CNFN: variants seen among roughly 807,000 people sequenced by gnomAD.
CNFN encodes the protein cornifelin.
A neutral mutation model predicts 14.9 loss-of-function variants in CNFN; 10 were observed. The observed-to-expected ratio is 0.67, with a 90% confidence interval of 0.41 to 1.14. The LOEUF (loss-of-function observed/expected upper bound fraction) is 1.14, where lower values mean the gene tolerates loss of function less well. Among genes scored for constraint, CNFN ranks in the 50% most tolerant of loss-of-function variants. The pLI is 0.00. For missense variants in CNFN, 165 were observed against 152.8 expected (o/e 1.08, Z -0.42); for synonymous variants, 66 against 60.0 (o/e 1.10, Z -0.46).
At chr19:42,389,147 G>A in intron 1 of CNFN, 108 bp from the exon 2 acceptor site, 1 of 785,570 alleles carries the variant, frequency 1.3e-6, no homozygotes, top group Non-Finnish European at 2.0e-6. Flanking sequence ...GGGCCGCCAG[G>A]CCGCCCACTG....
At chr19:42,388,000 CAAAAA>C (rs1182517143) in intron 2 of CNFN, among the ~76,000 whole-genome samples, 13 of 138,818 alleles carry the variant, frequency 9.4e-5, no homozygotes, top group African/African-American at 3.6e-4. Context: ...AAAAACAAAA[CAAAAA>C]AAAAAACGAA....
chr19:42,387,873 G>A (rs1459543289), intron 2 of CNFN, among the ~76,000 whole-genome samples: 1 of 150,754 alleles, frequency 6.6e-6, no homozygotes, highest in Non-Finnish European at 1.5e-5. Context: ...TCAGCTACTA[G>A]GGAGGCTGAG....
chr19:42,387,565 A>G (rs1398991909), intron 2 of CNFN, 89 bp from the exon 3 acceptor site: 3 of 881,432 alleles, frequency 3.4e-6, no homozygotes, highest in Non-Finnish European at 5.0e-6. Context: ...TTCGCCGCGG[A>G]GGGGCATTGA....
At chr19:42,389,601 A>T in intron 1 of CNFN, 1 of 1,142,542 alleles carries the variant, frequency 8.8e-7, no homozygotes, top group Non-Finnish European at 1.2e-6. Context: ...TGTCCAAGGG[A>T]CGCTGGATAC....
intron 2 of CNFN, among the ~76,000 whole-genome samples, chr19:42,388,005 A>ACC (rs796158252): frequency 7.0e-6 from 1 of 143,682 alleles, no homozygotes; most frequent in Non-Finnish European, 1.5e-5. Context: ...CAAAACAAAA[A>ACC]AAAAAACGAA....
At position 42,387,221 on chromosome 19, in the gene CNFN, C is replaced by G; in HGVS notation, c.271G>C (p.Ala91Pro). ...HIQGSVGHDWAALTFCLPCAL... is the reference protein window; with the variant it reads ...HIQGSVGHDWPALTFCLPCAL... ...CAGGGCAGACAAAAGGTGAGGGCCG[C>G]CCAGTCGTGCCCGACGGAGCCCTAG... The change falls in exon 4 of 4, where the codon GCG (alanine) becomes CCG (proline). Residue 91 changes from alanine (A) to proline (P), a missense_variant. By Grantham distance (27) the Ala-to-Pro change is conservative. Coordinates refer to ENST00000222032, the MANE Select transcript of CNFN (RefSeq NM_032488.4). The G allele has an allele frequency of 6.2e-7, 1 of 1,614,110 alleles. No homozygotes were observed. The highest frequency in any genetic ancestry group is 8.5e-7 in the Non-Finnish European group (1 of 1,179,986).
At chr19:42,389,848 C>T (rs2039885261) in intron 1 of CNFN, among the ~76,000 whole-genome samples, 1 of 152,188 alleles carries the variant, frequency 6.6e-6, no homozygotes, top group African/African-American at 2.4e-5. Flanking sequence ...TGGACAGAGT[C>T]AGAGACAAGG....
At chr19:42,389,534 C>T in intron 1 of CNFN, 1 of 1,290,100 alleles carries the variant, frequency 7.8e-7, no homozygotes, top group South Asian at 1.2e-5. Flanking sequence ...ATCTTGCTGG[C>T]CCTGAGGAGG....
intron 1 of CNFN, among the ~76,000 whole-genome samples, chr19:42,389,797 C>CA (rs2147534002): frequency 6.6e-6 from 1 of 152,340 alleles, no homozygotes; most frequent in East Asian, 1.9e-4. Flanking sequence ...GGACCCTCCC[C>CA]ATACCCGAGA....
chr19:42,389,479 G>T (rs2039881768), intron 1 of CNFN: 2 of 1,291,330 alleles, frequency 1.5e-6, no homozygotes, highest in African/African-American at 1.5e-5. Flanking sequence ...GGTCCACCCA[G>T]CGGTCCCACC....
chr19:42,388,986 G>A lies in CNFN; in HGVS notation c.52C>T (p.Gln18Ter), dbSNP rs1380253040. ...GTGTGCCAGTCACTGAGCTGGGTCT[G>A]GTAGCAGCTGGTGGTGGCGCACTGG... ...QPQCATTSCY[Q>*]TQLSDWHTGL... The change falls in exon 2 of 4, where the codon CAG becomes TAG. Residue 18 changes from glutamine (Q) to a stop codon, truncating the protein, a stop_gained. Transcript: ENST00000222032. LOFTEE classifies it high-confidence loss of function. The A allele has an allele frequency of 6.2e-7, 1 of 1,613,950 alleles. No homozygotes were observed. The highest frequency in any genetic ancestry group is 1.7e-5 in the Admixed American group (1 of 60,024).
chr19:42,388,548 A>C (rs1827778923), intron 2 of CNFN, among the ~76,000 whole-genome samples: 1 of 151,894 alleles, frequency 6.6e-6, no homozygotes, highest in African/African-American at 2.4e-5. Context: ...GCCCAGGCTG[A>C]TCTTGAATTC....
chr19:42,387,537 C>A, intron 2 of CNFN, 61 bp from the exon 3 acceptor site: 1 of 1,322,662 alleles, frequency 7.6e-7, no homozygotes, highest in Non-Finnish European at 1.0e-6. Context: ...GGCTCCGCCC[C>A]GGGGGGGGCG....
At chr19:42,388,845 G>T in intron 2 of CNFN, 81 bp downstream of exon 2, 2 of 993,098 alleles carry the variant, frequency 2.0e-6, no homozygotes, top group South Asian at 1.5e-5. Flanking sequence ...GTGGGAGGAG[G>T]TTGGAGGTGA....
chr19:42,388,777 C>CTGTT, intron 2 of CNFN, 149 bp downstream of exon 2: 1 of 612,280 alleles, frequency 1.6e-6, no homozygotes, highest in Non-Finnish European at 3.0e-6. Context: ...GAAAGGGTGA[C>CTGTT]TGTTAGAGTG....
At chr19:42,387,670 T>C (rs1256890339) in intron 2 of CNFN, among the ~76,000 whole-genome samples, 194 bp from the exon 3 acceptor site, 1 of 149,126 alleles carries the variant, frequency 6.7e-6, no homozygotes, top group Non-Finnish European at 1.5e-5. Context: ...TTTTTTTTTT[T>C]CTTCTTTTTT....
Position 42,387,340 on chromosome 19 carries a change from C to A in CNFN, c.249G>T (p.Gln83His). 1 of 1,597,318 alleles carries A rather than the reference C, an allele frequency of 6.3e-7. No individual in the cohort carries two copies. Among genetic ancestry groups the A allele is most frequent in the South Asian group, 1.1e-5 (1 of 89,388 alleles). ...CGCGGGTCCCCAGCCCGGCGCGCACCTGGATGTGGTAGCGCTCCCGCATGC... is the reference window on the plus strand; with the variant it reads ...CGCGGGTCCCCAGCCCGGCGCGCACATGGATGTGGTAGCGCTCCCGCATGC... ...RTGMRERYHI[Q>H]GSVGHDWAAL... Residue 83 changes from glutamine (Q) to histidine (H), a missense_variant and splice_region_variant, in exon 3 of 4, where the codon CAG (glutamine) becomes CAT (histidine). Transcript: ENST00000222032.
At chr19:42,388,751 G>T (rs2039875132) in intron 2 of CNFN, among the ~76,000 whole-genome samples, 175 bp downstream of exon 2, 1 of 152,204 alleles carries the variant, frequency 6.6e-6, no homozygotes, top group Admixed American at 6.5e-5. Context: ...ATCCTAAGGA[G>T]TGTTGGGGGT....
intron 2 of CNFN, among the ~76,000 whole-genome samples, chr19:42,387,988 C>CAAA (rs1275074840): frequency 4.7e-5 from 1 of 21,396 alleles, no homozygotes; most frequent in African/African-American, 1.0e-4. Flanking sequence ...TCAAAAAAAA[C>CAAA]AAAAAACAAA....
Sources: gnomAD v4.1 joint callset for allele counts (sites outside exome capture counted in the v4.1 genomes callset) on GRCh38, gnomAD v4.1.1 for gene constraint, MANE v1.5 for transcripts, NCBI Gene and HGNC (gene_info 2026-07-23, HGNC 2026-07-21) for gene names.